Variants in SLC2A7 observed in about 807,000 individuals in gnomAD.
SLC2A7 encodes the protein solute carrier family 2 member 7.
Under a neutral mutation model 50.5 loss-of-function variants are expected in SLC2A7, and 50 were observed. That is an observed-to-expected ratio of 0.99 (90% CI 0.79 to 1.25). SLC2A7 has a LOEUF of 1.25. Ranked by LOEUF, SLC2A7 falls within the 50% of genes most tolerant of loss-of-function variation. The probability of loss-of-function intolerance (pLI) is 0.00; values close to 1 mark genes in which losing one functional copy is unlikely to be tolerated. For missense variants in SLC2A7, 683 were observed against 679.1 expected, an observed-to-expected ratio of 1.01 and a Z score of -0.06; for synonymous variants, 308 against 300.4, an observed-to-expected ratio of 1.03 and a Z score of -0.26.
rs181611146 is a variant in SLC2A7 at position 9,004,777 on chromosome 1, A to G, written c.1295T>C (p.Ile432Thr). 3.7e-4 allele frequency: 592 copies of G among 1,614,098 alleles called. 9 individuals carry two copies. The East Asian group carries it at 0.013, about 36-fold the overall frequency. Reference sequence around the variant, plus strand: ...CTGGATGGATGGGAACAGGAAGCCTATGATGAAGTTGGTGAGCCAGTGCAC... The same window carrying G: ...CTGGATGGATGGGAACAGGAAGCCTGTGATGAAGTTGGTGAGCCAGTGCAC... ...GAVHWLTNFI[I>T]GFLFPSIQEA... is the part of the protein sequence containing the mutation. Residue 432 changes from isoleucine to threonine, a missense_variant, in exon 11 of 12, where the codon ATA becomes ACA. By Grantham distance (89) the Ile-to-Thr change is moderately conservative (BLOSUM62 -1). Transcript: ENST00000400906.
chr1:9,017,204 C>T (rs1640842819), intron 5 of SLC2A7, among the ~76,000 whole-genome samples: 1 of 152,188 alleles, frequency 6.6e-6, no homozygotes, highest in African/African-American at 2.4e-5. Context: ...CTTGTAATCC[C>T]AGCTACTCAG....
intron 3 of SLC2A7, among the ~76,000 whole-genome samples, chr1:9,020,675 C>CTT (rs1553167006): frequency 2.8e-5 from 4 of 143,254 alleles, no homozygotes; most frequent in Non-Finnish European, 3.0e-5. Context: ...GATATTCTCT[C>CTT]TTTTTTTTTT....
rs779963856 is a variant in SLC2A7 at position 9,018,355 on chromosome 1, G to C, written c.457C>G (p.Pro153Ala). ...VCAGISYSAL[P>A]MYLGELAPKN... ...GGGGCCAGTTCTCCCAGGTACATGG[G>C]AAGGGCGCTGTAGGAGATGCCTGGT... is the stretch of plus-strand genomic sequence containing the variant. Residue 153 changes from proline to alanine, a missense_variant, in exon 5 of 12, where the codon CCC (proline) becomes GCC (alanine). Physicochemically the swap from Pro to Ala is conservative, Grantham distance 27. Coordinates refer to ENST00000400906, the MANE Select transcript of SLC2A7 (RefSeq NM_207420.3). The C allele has an allele frequency of 5.6e-6, 9 of 1,613,544 alleles. No homozygotes were observed. The highest frequency in any genetic ancestry group is 7.6e-6 in the Non-Finnish European group (9 of 1,180,030).
At chr1:9,021,572 C>CTGG (rs1466511370) in intron 3 of SLC2A7, among the ~76,000 whole-genome samples, 1 of 152,148 alleles carries the variant, frequency 6.6e-6, no homozygotes, top group Non-Finnish European at 1.5e-5. Flanking sequence ...GTCGGCAACA[C>CTGG]TGAGGACTGG....
chr1:9,009,450 G>A (rs186000492), intron 9 of SLC2A7, among the ~76,000 whole-genome samples: 111 of 152,150 alleles, frequency 7.3e-4, no homozygotes, highest in African/African-American at 2.5e-3. Flanking sequence ...AAAATGATTC[G>A]TAGTTTTGTT....
chr1:9,010,422 G>A (rs947594409), intron 8 of SLC2A7, among the ~76,000 whole-genome samples, 178 bp from the exon 9 acceptor site: 1 of 151,930 alleles, frequency 6.6e-6, no homozygotes, highest in Non-Finnish European at 1.5e-5. Flanking sequence ...GCAGTGGTGC[G>A]ATCTCAGCTC....
Position 9,022,904 on chromosome 1 carries a change from C to A in SLC2A7, c.311+14G>T. On this transcript the variant is annotated intron_variant, in intron 3 of 11. Coordinates refer to ENST00000400906, the MANE Select transcript of SLC2A7 (RefSeq NM_207420.3). ...GCATGAATTTTAAGTGGGAGCAGTG[C>A]ACCTTCTGTTTACCTGCCGCAGCTA... 1 of 1,613,494 alleles carries A rather than the reference C, an allele frequency of 6.2e-7. No individual in the cohort carries two copies. Among genetic ancestry groups the A allele is most frequent in the East Asian group, 2.2e-5 (1 of 44,878 alleles).
chr1:9,009,937 C>T (rs757820086), intron 9 of SLC2A7, among the ~76,000 whole-genome samples: 1 of 152,286 alleles, frequency 6.6e-6, no homozygotes, highest in South Asian at 2.1e-4. Flanking sequence ...TATCCGGTTA[C>T]TTATTTGCAT....
In SLC2A7 at chr1:9,022,978, A is replaced by C; in HGVS notation, c.251T>G (p.Phe84Cys). ...TGACCCCAACAGGCCGCCCAGAGGA[A>C]ACATGGAGACGGTGCAAGACCATAG... ...LLLWSCTVSM[F>C]PLGGLLGSLL... The change falls in exon 3 of 12, where the codon TTT becomes TGT. Residue 84 changes from phenylalanine to cysteine, a missense_variant. By Grantham distance (205) the Phe-to-Cys change is radical (BLOSUM62 -2). Coordinates refer to ENST00000400906, the MANE Select transcript of SLC2A7 (RefSeq NM_207420.3). 6.2e-7 allele frequency: 1 copy of C among 1,614,174 alleles called. No individual in the cohort carries two copies. The highest frequency in any genetic ancestry group is 8.5e-7 in the Non-Finnish European group (1 of 1,180,008).
chr1:9,015,390 A>C (rs1640815709), intron 5 of SLC2A7, 148 bp from the exon 6 acceptor site: 2 of 1,047,628 alleles, frequency 1.9e-6, no homozygotes, highest in Non-Finnish European at 2.6e-6. Flanking sequence ...TGGTTTCCAC[A>C]TTCAAAACGG....
At chr1:8,999,161 G>GT (rs1253593404), downstream of SLC2A7, among the ~76,000 whole-genome samples, 22 of 151,784 alleles carry the variant, frequency 1.4e-4, no homozygotes, top group Middle Eastern at 3.4e-3. Context: ...TTTCTTTTTT[G>GT]TTTTTTTGCC....
chr1:9,022,807 G>C, intron 3 of SLC2A7, 111 bp downstream of exon 3: 1 of 1,411,948 alleles, frequency 7.1e-7, no homozygotes, highest in Non-Finnish European at 9.7e-7. Context: ...CTAGACTTCA[G>C]ATCTCCTGAT....
At position 9,007,389 on chromosome 1, in the gene SLC2A7, T is replaced by TG. The variant is rs756457754; in HGVS notation, c.1117-5dup. On this transcript the variant is annotated splice_region_variant and splice_polypyrimidine_tract_variant and intron_variant, in intron 9 of 11. Transcript: ENST00000400906. ...AGGACAGCTCGGGGACCCTGTTCTG[T>TG]GGGGAGAGGCAGGGCTGTCTGGGCT... is the stretch of plus-strand genomic sequence containing the variant. 9.9e-6 allele frequency: 16 copies of TG among 1,613,872 alleles called. No individual in the cohort carries two copies. The African/African-American group carries it at 2.0e-4, about 20-fold the overall frequency.
chr1:9,020,524 T>A (rs940991265), intron 3 of SLC2A7, among the ~76,000 whole-genome samples: 8 of 151,568 alleles, frequency 5.3e-5, no homozygotes, highest in Non-Finnish European at 1.0e-4. Flanking sequence ...CTAGGTCCCC[T>A]GCCAACTTGC....
rs748044755 is a variant in SLC2A7 at position 9,015,166 on chromosome 1, G to A, written c.666C>T (p.Ser222=). The A allele has an allele frequency of 5.6e-6, 9 of 1,613,018 alleles. No homozygotes were observed. The highest frequency in any genetic ancestry group is 3.3e-5 in the Admixed American group (2 of 59,878). Residue 222 remains serine (S), a synonymous_variant, in exon 6 of 12, where the codon AGC becomes AGT. Coordinates refer to ENST00000400906, the MANE Select transcript of SLC2A7 (RefSeq NM_207420.3). ...QLLTLPFFPE[S]PRYSLIQKGD... ...CTTTCTGAATCAGGGAGTAGCGGGG[G>A]CTTTCGGGGAAGAAGGGCAGGGTCA...
At chr1:9,025,619 G>T (rs1001488470) in intron 1 of SLC2A7, among the ~76,000 whole-genome samples, 1 of 152,060 alleles carries the variant, frequency 6.6e-6, no homozygotes, top group Non-Finnish European at 1.5e-5. Flanking sequence ...TGTAAGCATC[G>T]GGGGGAAGAG....
At chr1:9,010,121 G>A (rs1569788989) in intron 9 of SLC2A7, 22 bp downstream of exon 9, 1 of 1,549,170 alleles carries the variant, frequency 6.5e-7, no homozygotes, top group South Asian at 1.2e-5. Context: ...CCCCACCCAG[G>A]GGGCAGGAAA....
chr1:8,996,053 C>T, the SLC2A7 span, among the ~76,000 whole-genome samples: 181 of 152,324 alleles, frequency 1.2e-3, no homozygotes, highest in Admixed American at 3.1e-3. Context: ...CAGGCATGAG[C>T]CACCATGCCC....
chr1:9,004,244 G>T (rs1177243779), intron 11 of SLC2A7, among the ~76,000 whole-genome samples: 1 of 151,194 alleles, frequency 6.6e-6, no homozygotes, highest in East Asian at 2.0e-4. Flanking sequence ...GAGGTAGGAG[G>T]ATCACTTAAG....
Sources: gnomAD v4.1 joint callset for allele counts (sites outside exome capture counted in the v4.1 genomes callset) on GRCh38, gnomAD v4.1.1 for gene constraint, MANE v1.5 for transcripts, NCBI Gene and HGNC (gene_info 2026-07-23, HGNC 2026-07-21) for gene names.